Variants in LRRTM4 observed in about 807,000 individuals in gnomAD.
LRRTM4 encodes the protein leucine rich repeat transmembrane neuronal 4, also known as leucine-rich repeat transmembrane neuronal protein 4.
LRRTM4 carries 25 observed loss-of-function variants against 47.6 expected under a neutral mutation model. The ratio of observed to expected loss-of-function variants is 0.53; its 90% CI spans 0.38 to 0.73. LRRTM4 has a LOEUF of 0.73. Among genes scored for constraint, LRRTM4 ranks in the 30% least tolerant of loss-of-function variants. LRRTM4 has a pLI of 0.00. For missense variants in LRRTM4, 638 were observed against 713.4 expected, an observed-to-expected ratio of 0.89 and a Z score of 1.20; for synonymous variants, 311 against 269.5, an observed-to-expected ratio of 1.15 and a Z score of -1.51.
At chr2:77,249,308 C>T (rs181013264) in intron 3 of LRRTM4, among the ~76,000 whole-genome samples, 1 of 152,004 alleles carries the variant, frequency 6.6e-6, no homozygotes, top group South Asian at 2.1e-4. Context: ...CGATATTACG[C>T]CATTACACTC....
intron 3 of LRRTM4, among the ~76,000 whole-genome samples, chr2:77,358,500 C>T (rs552405062): frequency 1.3e-3 from 204 of 152,208 alleles, no homozygotes; most frequent in African/African-American, 4.8e-3. Flanking sequence ...GCCCCACCTC[C>T]GACACTGGGA....
chr2:76,965,829 T>C (rs1479035094), intron 3 of LRRTM4, among the ~76,000 whole-genome samples: 4 of 151,420 alleles, frequency 2.6e-5, no homozygotes, highest in Non-Finnish European at 5.9e-5. Flanking sequence ...TTTAGGACAA[T>C]TAAAAACTAT....
At chr2:77,246,227 T>C (rs995552854) in intron 3 of LRRTM4, among the ~76,000 whole-genome samples, 18 of 152,178 alleles carry the variant, frequency 1.2e-4, no homozygotes, top group Non-Finnish European at 1.5e-5. Context: ...ATTTAGGAGA[T>C]AGCTCCATCT....
At chr2:77,243,894 A>G (rs1274111163) in intron 3 of LRRTM4, among the ~76,000 whole-genome samples, 1 of 133,538 alleles carries the variant, frequency 7.5e-6, no homozygotes, top group African/African-American at 2.8e-5. Context: ...AGCCTTAGGT[A>G]TATCTCCCAA....
rs185225342 is a variant in LRRTM4, at chr2:77,036,223, T to C, written c.1552-287307A>G. On this transcript the variant is annotated intron_variant, in intron 3 of 3. Transcript: ENST00000409884. ...AATAATGAAGGTAATACTGTCATTA[T>C]GGGAGAAGATAAAAAATAAAATAAT... 7.6e-4 allele frequency among the ~76,000 whole-genome samples: 116 copies of C among 151,854 alleles called. 3 individuals carry two copies. The East Asian group carries it at 0.018, about 23-fold the overall frequency.
chr2:76,956,312 A>G (rs992501224), intron 3 of LRRTM4, among the ~76,000 whole-genome samples: 1 of 151,744 alleles, frequency 6.6e-6, no homozygotes. Flanking sequence ...AAAATAAAAA[A>G]TAAAAGAAAA....
chr2:77,087,365 A>G (rs1680753286), intron 3 of LRRTM4, among the ~76,000 whole-genome samples: 1 of 152,230 alleles, frequency 6.6e-6, no homozygotes, highest in South Asian at 2.1e-4. Context: ...ATAAAAATCT[A>G]CAATCACAGG....
At chr2:77,333,416 T>A (rs1671042151) in intron 3 of LRRTM4, among the ~76,000 whole-genome samples, 1 of 152,178 alleles carries the variant, frequency 6.6e-6, no homozygotes, top group Admixed American at 6.5e-5. Context: ...ATATGGACAA[T>A]GAAATCCAGG....
intron 3 of LRRTM4, among the ~76,000 whole-genome samples, chr2:76,945,882 T>C (rs1443284761): frequency 6.6e-6 from 1 of 152,020 alleles, no homozygotes; most frequent in Non-Finnish European, 1.5e-5. Context: ...AAAATAATTT[T>C]ATCCACAATT....
intron 3 of LRRTM4, among the ~76,000 whole-genome samples, chr2:76,833,385 T>G (rs1671412069): frequency 6.6e-6 from 1 of 152,112 alleles, no homozygotes; most frequent in Admixed American, 6.6e-5. Context: ...CATAAATTTA[T>G]CTACACTAAA....
intron 3 of LRRTM4, among the ~76,000 whole-genome samples, chr2:77,219,701 G>C (rs965803211): frequency 6.6e-6 from 1 of 152,146 alleles, no homozygotes; most frequent in East Asian, 1.9e-4. Flanking sequence ...GAGGATTCCC[G>C]CCATTCTTTT....
At chr2:76,793,639 C>G (rs1298371508) in intron 3 of LRRTM4, among the ~76,000 whole-genome samples, 1 of 151,958 alleles carries the variant, frequency 6.6e-6, no homozygotes, top group Non-Finnish European at 1.5e-5. Flanking sequence ...GGAAAAAGCG[C>G]AAAAGAGGGA....
intron 3 of LRRTM4, among the ~76,000 whole-genome samples, chr2:77,226,547 A>G (rs1193801286): frequency 6.1e-5 from 1 of 16,396 alleles, no homozygotes; most frequent in Non-Finnish European, 9.5e-5. Context: ...ACATATATAT[A>G]TATATATATA....
At chr2:77,122,429 G>A (rs996293788) in intron 3 of LRRTM4, among the ~76,000 whole-genome samples, 4 of 150,454 alleles carry the variant, frequency 2.7e-5, no homozygotes, top group Non-Finnish European at 4.4e-5. Flanking sequence ...ATATATGTGT[G>A]TGTATAGATA....
At chr2:77,279,108 G>A (rs781378045) in intron 3 of LRRTM4, among the ~76,000 whole-genome samples, 2 of 151,852 alleles carry the variant, frequency 1.3e-5, no homozygotes, top group African/African-American at 2.4e-5. Context: ...AAACATTGGA[G>A]GTCCAACAAA....
chr2:77,296,522 G>C (rs1449821307), intron 3 of LRRTM4, among the ~76,000 whole-genome samples: 1 of 151,982 alleles, frequency 6.6e-6, no homozygotes, highest in Non-Finnish European at 1.5e-5. Context: ...TTAAATTTAT[G>C]AATTAAATTC....
At chr2:77,187,223 T>C (rs750411387) in intron 3 of LRRTM4, among the ~76,000 whole-genome samples, 6 of 152,154 alleles carry the variant, frequency 3.9e-5, no homozygotes, top group East Asian at 1.9e-4. Flanking sequence ...TGTGGTGCCA[T>C]TGATGCTACA....
At chr2:77,445,548 A>G (rs574908079) in intron 3 of LRRTM4, among the ~76,000 whole-genome samples, 3 of 151,886 alleles carry the variant, frequency 2.0e-5, no homozygotes, top group Non-Finnish European at 4.4e-5. Flanking sequence ...TCTCTGTAAC[A>G]TGGGGGTGAA....
At chr2:76,984,417 A>G (rs925951088) in intron 3 of LRRTM4, among the ~76,000 whole-genome samples, 1 of 152,032 alleles carries the variant, frequency 6.6e-6, no homozygotes, top group African/African-American at 2.4e-5. Flanking sequence ...AAAACAGCAG[A>G]TACTGTTGCA....
Sources: gnomAD v4.1 joint callset for allele counts (sites outside exome capture counted in the v4.1 genomes callset) on GRCh38, gnomAD v4.1.1 for gene constraint, MANE v1.5 for transcripts, NCBI Gene and HGNC (gene_info 2026-07-23, HGNC 2026-07-21) for gene names.